Variants in NXPH1 observed in about 807,000 individuals in gnomAD.
The protein encoded by NXPH1 is neurexophilin-1.
In NXPH1, 5 loss-of-function variants were observed where a neutral mutation model predicts 23.7. The observed-to-expected ratio is 0.21, with a 90% CI of 0.11 to 0.44. The LOEUF is 0.44. Ranked by LOEUF, NXPH1 falls within the 20% of genes least tolerant of loss-of-function variation. NXPH1 has a pLI of 0.99. For missense variants in NXPH1, 324 were observed against 321.6 expected (o/e 1.01, Z -0.06); for synonymous variants, 144 against 122.2 (o/e 1.18, Z -1.18).
chr7:8,497,980 G>A (rs1817366746), intron 2 of NXPH1, among the ~76,000 whole-genome samples: 1 of 151,994 alleles, frequency 6.6e-6, no homozygotes, highest in African/African-American at 2.4e-5. Flanking sequence ...TTCTTCTAGG[G>A]AATAACAACA....
intron 2 of NXPH1, among the ~76,000 whole-genome samples, chr7:8,502,501 C>A (rs1289320292): frequency 6.6e-6 from 1 of 151,574 alleles, no homozygotes; most frequent in East Asian, 1.9e-4. Context: ...CAGAGTCCAA[C>A]CAGAAGACAG....
intron 2 of NXPH1, among the ~76,000 whole-genome samples, chr7:8,464,286 T>G (rs779516859): frequency 6.6e-6 from 1 of 152,192 alleles, no homozygotes; most frequent in Non-Finnish European, 1.5e-5. Context: ...CTGTGACCAC[T>G]TGCCACTTCC....
chr7:8,701,264 A>C (rs1457521596), intron 2 of NXPH1, among the ~76,000 whole-genome samples: 2 of 152,014 alleles, frequency 1.3e-5, no homozygotes, highest in African/African-American at 2.4e-5. Flanking sequence ...AGCATTAATA[A>C]ATTAGATCAT....
intron 2 of NXPH1, among the ~76,000 whole-genome samples, chr7:8,674,203 A>ACACCCC (rs749254159): frequency 8.7e-6 from 1 of 115,302 alleles, no homozygotes; most frequent in East Asian, 2.2e-4. Flanking sequence ...ACACACACAC[A>ACACCCC]CCTATGCAAT....
intron 2 of NXPH1, among the ~76,000 whole-genome samples, chr7:8,573,460 A>G (rs1818690860): frequency 6.6e-6 from 1 of 152,186 alleles, no homozygotes; most frequent in Admixed American, 6.5e-5. Context: ...GTCAACAGAT[A>G]GAGACAGGAA....
chr7:8,440,201 G>C (rs1284393895), intron 2 of NXPH1, among the ~76,000 whole-genome samples: 1 of 152,200 alleles, frequency 6.6e-6, no homozygotes, highest in East Asian at 1.9e-4. Flanking sequence ...GGACACAGAA[G>C]TTGCTACTAT....
chr7:8,534,564 G>A (rs968265893), intron 2 of NXPH1, among the ~76,000 whole-genome samples: 6 of 152,128 alleles, frequency 3.9e-5, no homozygotes, highest in Non-Finnish European at 8.8e-5. Flanking sequence ...AGCATAGTAT[G>A]TAAAATAGGG....
chr7:8,565,504 T>TACATTG (rs3084540), intron 2 of NXPH1, among the ~76,000 whole-genome samples: 1 of 151,110 alleles, frequency 6.6e-6, no homozygotes, highest in East Asian at 2.0e-4. Context: ...GAGTTTGACA[T>TACATTG]AAATATAAAG....
rs1236472140 is a variant in NXPH1 at position 8,442,665 on chromosome 7, G to A, written c.54+6898G>A. ...CGCTGACCAAAGCCGCAGTGTTCAG[G>A]CCCCGGGGTTTCCCAGCCGTAGTGG... On this transcript the variant is annotated intron_variant, in intron 2 of 2. Transcript: ENST00000405863. The surrounding 1 kb of genome is among the most constrained non-coding windows in gnomAD (Gnocchi z 4.6). Among the ~76,000 whole-genome samples the A allele has an allele frequency of 6.6e-6, 1 of 152,232 alleles. No individual in the cohort carries two copies. The highest frequency in any genetic ancestry group is 1.5e-5 in the Non-Finnish European group (1 of 68,042).
chr7:8,621,288 G>T (rs1819863565), intron 2 of NXPH1, among the ~76,000 whole-genome samples: 3 of 152,112 alleles, frequency 2.0e-5, no homozygotes, highest in Admixed American at 2.0e-4. Flanking sequence ...TCCAGGAGCT[G>T]CAGCATAGCA....
intron 2 of NXPH1, among the ~76,000 whole-genome samples, chr7:8,620,678 A>G (rs1160852666): frequency 1.3e-5 from 2 of 152,232 alleles, no homozygotes; most frequent in Non-Finnish European, 2.9e-5. Context: ...CTGACAAAAA[A>G]GCTGAAGCTA....
chr7:8,665,352 G>T (rs913491116), intron 2 of NXPH1, among the ~76,000 whole-genome samples: 24 of 151,880 alleles, frequency 1.6e-4, no homozygotes, highest in Admixed American at 1.1e-3. Context: ...TTTATATCTT[G>T]GCTTTCTATT....
intron 2 of NXPH1, among the ~76,000 whole-genome samples, chr7:8,623,265 A>G (rs1054698361): frequency 3.9e-5 from 6 of 152,104 alleles, no homozygotes; most frequent in African/African-American, 7.2e-5. Context: ...AAGAGTAGAG[A>G]CAAAGGTTCA....
At chr7:8,527,520 G>A (rs974203930) in intron 2 of NXPH1, among the ~76,000 whole-genome samples, 3 of 152,016 alleles carry the variant, frequency 2.0e-5, no homozygotes, top group Non-Finnish European at 4.4e-5. Context: ...GAGGGGTCAA[G>A]TTAGATCCAC....
intron 2 of NXPH1, among the ~76,000 whole-genome samples, chr7:8,684,715 A>G (rs1471459091): frequency 6.6e-6 from 1 of 152,166 alleles, no homozygotes; most frequent in Non-Finnish European, 1.5e-5. Context: ...GTGAGAAGAA[A>G]ATTTCAAGTC....
Position 8,648,317 on chromosome 7 carries a change from A to G in NXPH1, c.55-102691A>G, listed in dbSNP as rs576169362. ...CCCACCTACACCCAATCCCCCCACT[A>G]CCTTTCCCAGCCTCTGGAAACCATC... On this transcript the variant is annotated intron_variant, in intron 2 of 2. Transcript: ENST00000405863. Among the ~76,000 whole-genome samples the G allele has an allele frequency of 2.5e-4, 38 of 152,108 alleles. 1 individual carries two copies. In the East Asian group the frequency reaches 6.5e-3, roughly 26 times the overall value.
intron 2 of NXPH1, among the ~76,000 whole-genome samples, chr7:8,514,771 C>T (rs544260080): frequency 2.6e-5 from 4 of 152,048 alleles, no homozygotes. Flanking sequence ...TCTTTTTCAC[C>T]AAGCGGATGT....
intron 2 of NXPH1, among the ~76,000 whole-genome samples, chr7:8,715,936 C>CAT (rs35165337): frequency 0.021 from 3,164 of 151,624 alleles, 46 homozygotes; most frequent in Non-Finnish European, 0.031. Flanking sequence ...TTTACATATA[C>CAT]ATATATATAT....
intron 2 of NXPH1, among the ~76,000 whole-genome samples, chr7:8,609,981 G>T (rs1249647730): frequency 2.0e-5 from 3 of 152,034 alleles, no homozygotes; most frequent in African/African-American, 7.2e-5. Flanking sequence ...TGATTTAGAG[G>T]TACTGCTTTT....
Sources: gnomAD v4.1 joint callset for allele counts (sites outside exome capture counted in the v4.1 genomes callset) on GRCh38, gnomAD v4.1.1 for gene constraint, Gnocchi (gnomAD v3.1) non-coding constraint, MANE v1.5 for transcripts, NCBI Gene and HGNC (gene_info 2026-07-23, HGNC 2026-07-21) for gene names.